Variants in ZNF654 observed in about 807,000 individuals in gnomAD.
ZNF654 encodes melanoma-associated antigen.
A neutral mutation model predicts 95.3 loss-of-function variants in ZNF654; 19 were observed. That is an observed-to-expected ratio of 0.20 (90% CI 0.14 to 0.29). ZNF654 has a LOEUF of 0.29. ZNF654 is among the 10% of genes least tolerant of loss of function. ZNF654 has a pLI of 1.00. For missense variants in ZNF654, 1,046 were observed against 1,341.0 expected, an observed-to-expected ratio of 0.78 and a Z score of 3.44; for synonymous variants, 413 against 457.9, an observed-to-expected ratio of 0.90 and a Z score of 1.25.
At chr3:88,066,549 G>C (rs1424410930) in intron 1 of ZNF654, among the ~76,000 whole-genome samples, 1 of 151,748 alleles carries the variant, frequency 6.6e-6, no homozygotes, top group East Asian at 1.9e-4. Context: ...CTGACAGAGC[G>C]AGACTGTGTA....
Position 88,062,385 on chromosome 3 carries a change from TTTG to T in ZNF654, c.186+2890_186+2892del, listed in dbSNP as rs372320157. On this transcript the variant is annotated intron_variant, in intron 1 of 8. Coordinates refer to ENST00000636215, the MANE Select transcript of ZNF654 (RefSeq NM_001350134.2). The stretch of plus-strand genomic sequence containing the variant: ...AATCCTCAATTATAGAGGGGAGTTT[TTTG>T]TTGTTGTTGCAAGTGATGTGAAAGG... Among the ~76,000 whole-genome samples the T allele has an allele frequency of 5.3e-3, 809 of 152,296 alleles. 5 individuals are homozygous for T. The highest frequency in any genetic ancestry group is 0.017 in the African/African-American group (694 of 41,552).
chr3:88,097,121 T>A (rs1413066861), intron 2 of ZNF654, among the ~76,000 whole-genome samples: 1 of 152,160 alleles, frequency 6.6e-6, no homozygotes, highest in Non-Finnish European at 1.5e-5. Context: ...AACAACCCTT[T>A]AATGAATTAC....
intron 1 of ZNF654, among the ~76,000 whole-genome samples, chr3:88,067,512 G>A (rs912859336): frequency 3.3e-5 from 5 of 152,170 alleles, no homozygotes; most frequent in Non-Finnish European, 7.4e-5. Context: ...TAAAGCTTGA[G>A]GAGCCTCAAA....
At chr3:88,079,073 T>TA (rs897557512) in intron 1 of ZNF654, among the ~76,000 whole-genome samples, 3 of 152,082 alleles carry the variant, frequency 2.0e-5, no homozygotes, top group African/African-American at 4.8e-5. Flanking sequence ...AGTTATACCG[T>TA]AAAAAATCAA....
chr3:88,141,048 A>G lies in ZNF654; in HGVS notation c.3379A>G (p.Ser1127Gly), dbSNP rs748349446. Residue 1127 changes from serine to glycine, a missense_variant and splice_region_variant, in exon 8 of 9, where the codon AGT becomes GGT. Physicochemically the swap from Ser to Gly is moderately conservative, Grantham distance 56. Coordinates refer to ENST00000636215, the MANE Select transcript of ZNF654 (RefSeq NM_001350134.2). ...TLFGFDSDDESA is the reference protein window; with the variant it reads ...TLFGFDSDDEGA The stretch of plus-strand genomic sequence containing the variant: ...CTTTGGATTTGATTCAGATGATGAA[A>G]GTAAGTCTTCTGTCTTCTTAGTAGA... 6.3e-7 allele frequency: 1 copy of G among 1,587,968 alleles called. No individual in the cohort carries two copies. Among genetic ancestry groups the G allele is most frequent in the Admixed American group, 1.8e-5 (1 of 56,222 alleles).
intron 2 of ZNF654, chr3:88,095,967 C>T: frequency 3.1e-6 from 1 of 319,152 alleles, no homozygotes; most frequent in South Asian, 3.1e-5. Flanking sequence ...GGTTTTCTTT[C>T]CCGTGTTGCA....
intron 1 of ZNF654, among the ~76,000 whole-genome samples, chr3:88,079,765 A>C (rs1707988690): frequency 6.6e-6 from 1 of 152,074 alleles, no homozygotes; most frequent in Admixed American, 6.5e-5. Context: ...GTCTTATTAC[A>C]TTTACAGAAC....
chr3:88,111,516 AG>A (rs1705088159), intron 2 of ZNF654, among the ~76,000 whole-genome samples: 3 of 151,962 alleles, frequency 2.0e-5, no homozygotes, highest in Admixed American at 6.6e-5. Context: ...ATATAGATGT[AG>A]CTATATTCTC....
intron 1 of ZNF654, among the ~76,000 whole-genome samples, chr3:88,074,315 T>C (rs1707677398): frequency 6.6e-6 from 1 of 151,560 alleles, no homozygotes; most frequent in Non-Finnish European, 1.5e-5. Context: ...AGGAGAATTC[T>C]TTAACTTCCA....
At chr3:88,100,478 TACCCA>T (rs1364285421) in intron 2 of ZNF654, among the ~76,000 whole-genome samples, 27 of 152,216 alleles carry the variant, frequency 1.8e-4, no homozygotes, top group African/African-American at 6.5e-4. Context: ...ACTGGGTATA[TACCCA>T]GAGGATTATA....
intron 2 of ZNF654, among the ~76,000 whole-genome samples, chr3:88,092,329 C>A (rs1206454411): frequency 1.3e-5 from 2 of 152,134 alleles, no homozygotes; most frequent in Non-Finnish European, 2.9e-5. Flanking sequence ...TAGATAAATT[C>A]TTGTTCTCCA....
At chr3:88,129,975 G>C (rs1385897852) in intron 6 of ZNF654, 149 bp downstream of exon 6, 1 of 610,892 alleles carries the variant, frequency 1.6e-6, no homozygotes, top group African/African-American at 1.9e-5. Context: ...TAGATTCTAA[G>C]AACTAGAGAC....
chr3:88,104,108 G>A (rs1704598069), intron 2 of ZNF654, among the ~76,000 whole-genome samples: 1 of 152,060 alleles, frequency 6.6e-6, no homozygotes, highest in African/African-American at 2.4e-5. Flanking sequence ...AGAGATGTAT[G>A]TAATCAAAAA....
intron 2 of ZNF654, among the ~76,000 whole-genome samples, chr3:88,107,821 A>G (rs1165548519): frequency 6.6e-6 from 1 of 151,994 alleles, no homozygotes; most frequent in African/African-American, 2.4e-5. Flanking sequence ...ACTACTGATA[A>G]TTTTATCTTG....
chr3:88,060,574 C>G (rs1044464059), intron 1 of ZNF654, among the ~76,000 whole-genome samples: 1 of 152,144 alleles, frequency 6.6e-6, no homozygotes, highest in Non-Finnish European at 1.5e-5. Context: ...TCCACCATCT[C>G]CTGGCAGAAA....
intron 2 of ZNF654, among the ~76,000 whole-genome samples, chr3:88,104,493 A>G (rs1405777777): frequency 2.0e-5 from 3 of 152,214 alleles, no homozygotes; most frequent in Non-Finnish European, 4.4e-5. Context: ...CAGGCAGCCT[A>G]TGGGCCATAT....
chr3:88,131,074 C>T lies in ZNF654; in HGVS notation c.893+1248C>T, dbSNP rs574684514. ...GTGTGAATATTGTAGAGATACAAAC[C>T]TAGATGGTATATCCTACTGCACATC... On this transcript the variant is annotated intron_variant, in intron 6 of 8. Coordinates refer to ENST00000636215, the MANE Select transcript of ZNF654 (RefSeq NM_001350134.2). Among the ~76,000 whole-genome samples the T allele has an allele frequency of 3.3e-5, 5 of 152,128 alleles. No homozygotes were observed. The South Asian group carries it at 1.0e-3, about 32-fold the overall frequency.
At chr3:88,131,274 T>C (rs1706444713) in intron 6 of ZNF654, among the ~76,000 whole-genome samples, 1 of 152,242 alleles carries the variant, frequency 6.6e-6, no homozygotes, top group Non-Finnish European at 1.5e-5. Flanking sequence ...ACCACTGTTG[T>C]ATACGCAGTC....
intron 3 of ZNF654, among the ~76,000 whole-genome samples, chr3:88,122,132 A>G (rs1252100982): frequency 3.9e-5 from 6 of 152,292 alleles, no homozygotes; most frequent in Middle Eastern, 3.4e-3. Context: ...TAAGGTAGCT[A>G]GTAGAAGCTT....
Sources: gnomAD v4.1 joint callset for allele counts (sites outside exome capture counted in the v4.1 genomes callset) on GRCh38, gnomAD v4.1.1 for gene constraint, MANE v1.5 for transcripts, NCBI Gene and HGNC (gene_info 2026-07-23, HGNC 2026-07-21) for gene names.